The following CPQ variants were observed in gnomAD, a reference collection of about 807,000 sequenced individuals.
CPQ encodes carboxypeptidase Q, also known as Ser-Met dipeptidase.
A neutral mutation model predicts 45.7 loss-of-function variants in CPQ; 37 were observed. The ratio of observed to expected loss-of-function variants is 0.81; its 90% CI spans 0.62 to 1.07. The LOEUF is 1.07. Among genes scored for constraint, CPQ ranks in the 50% least tolerant of loss-of-function variants. CPQ has a pLI of 0.00. For synonymous variants in CPQ, 186 were observed against 205.8 expected, an observed-to-expected ratio of 0.90 and a Z score of 0.82; for missense variants, 537 against 572.9, an observed-to-expected ratio of 0.94 and a Z score of 0.64.
chr8:97,101,946 C>CT (rs1811316927), intron 7 of CPQ, among the ~76,000 whole-genome samples: 1 of 146,900 alleles, frequency 6.8e-6, no homozygotes, highest in African/African-American at 2.6e-5. Flanking sequence ...CTCTCTCCCT[C>CT]CCTCCCTCTC....
At chr8:96,753,146 C>T (rs934833239) in intron 1 of CPQ, among the ~76,000 whole-genome samples, 1 of 151,962 alleles carries the variant, frequency 6.6e-6, no homozygotes, top group Admixed American at 6.6e-5. Context: ...TTACACAAAC[C>T]GTTTATAGAG....
At chr8:97,138,375 G>A (rs72664589) in intron 7 of CPQ, among the ~76,000 whole-genome samples, 11 of 152,078 alleles carry the variant, frequency 7.2e-5, no homozygotes, top group African/African-American at 2.7e-4. Flanking sequence ...CTGGTACAAA[G>A]TTGTAAGAAC....
At chr8:96,949,597 A>G (rs1813232989) in intron 4 of CPQ, among the ~76,000 whole-genome samples, 1 of 152,018 alleles carries the variant, frequency 6.6e-6, no homozygotes, top group Non-Finnish European at 1.5e-5. Context: ...ATCTTTGTCA[A>G]CTTTTCCCTC....
At chr8:96,745,867 A>G (rs751429095) in intron 1 of CPQ, among the ~76,000 whole-genome samples, 1 of 152,246 alleles carries the variant, frequency 6.6e-6, no homozygotes, top group Non-Finnish European at 1.5e-5. Flanking sequence ...ATGTGTCAGG[A>G]CTGTTATAGT....
chr8:96,834,114 T>C (rs1348001815), intron 2 of CPQ, among the ~76,000 whole-genome samples: 1 of 152,180 alleles, frequency 6.6e-6, no homozygotes, highest in East Asian at 1.9e-4. Context: ...TTTTTTCCCT[T>C]TTACTCTAAC....
At chr8:97,038,943 T>A (rs1810056228) in intron 6 of CPQ, among the ~76,000 whole-genome samples, 1 of 151,878 alleles carries the variant, frequency 6.6e-6, no homozygotes, top group Non-Finnish European at 1.5e-5. Context: ...TTTTCTTATA[T>A]CACGGTCACA....
intron 7 of CPQ, among the ~76,000 whole-genome samples, chr8:97,083,940 T>C (rs1810999518): frequency 6.6e-6 from 1 of 152,214 alleles, no homozygotes; most frequent in Non-Finnish European, 1.5e-5. Flanking sequence ...TTATTTTTTT[T>C]CACACTGCCA....
At chr8:96,891,506 C>T (rs999286465) in intron 4 of CPQ, among the ~76,000 whole-genome samples, 1 of 152,132 alleles carries the variant, frequency 6.6e-6, no homozygotes, top group African/African-American at 2.4e-5. Flanking sequence ...CCACCATGGC[C>T]ACTTTGTTCA....
In CPQ at chr8:97,083,110, G is replaced by A. The variant is rs556402819; in HGVS notation, c.1255+16900G>A. ...GCTTCAGTTTCCTGATCTGTAAAAT[G>A]AGGGCAATAATATTTCAAAGGACTA... is the stretch of plus-strand genomic sequence containing the variant. On this transcript the variant is annotated intron_variant, in intron 7 of 7. Coordinates refer to ENST00000220763, the MANE Select transcript of CPQ (RefSeq NM_016134.4). 2.0e-5 allele frequency among the ~76,000 whole-genome samples: 3 copies of A among 152,290 alleles called. No homozygotes were observed. The South Asian group carries it at 6.2e-4, about 32-fold the overall frequency.
intron 4 of CPQ, among the ~76,000 whole-genome samples, chr8:96,911,076 A>C (rs944951360): frequency 3.3e-5 from 5 of 152,176 alleles, no homozygotes; most frequent in African/African-American, 1.2e-4. Flanking sequence ...GAATACTATA[A>C]GACCAAAACC....
At chr8:96,878,731 A>G (rs1465927636) in intron 3 of CPQ, among the ~76,000 whole-genome samples, 1 of 152,260 alleles carries the variant, frequency 6.6e-6, no homozygotes, top group Non-Finnish European at 1.5e-5. Context: ...CTGCTTCTAT[A>G]GGAGATAAGC....
At chr8:97,026,845 T>A (rs1809807054) in intron 5 of CPQ, among the ~76,000 whole-genome samples, 1 of 152,250 alleles carries the variant, frequency 6.6e-6, no homozygotes, top group South Asian at 2.1e-4. Flanking sequence ...AGACTAACCC[T>A]GTAGGATAAT....
chr8:96,891,125 G>A lies in CPQ; in HGVS notation c.849+11120G>A, dbSNP rs541438602. Among the ~76,000 whole-genome samples the A allele has an allele frequency of 9.8e-5, 15 of 152,320 alleles. No homozygotes were observed. The East Asian group carries it at 2.9e-3, about 29-fold the overall frequency. ...TGAATTCCATGAGCATGCACACATT[G>A]CCACACTTTTTTAGCCATAGAGTGA... On this transcript the variant is annotated intron_variant, in intron 4 of 7. Coordinates refer to ENST00000220763, the MANE Select transcript of CPQ (RefSeq NM_016134.4).
chr8:96,735,410 T>C (rs1809969117), intron 1 of CPQ, among the ~76,000 whole-genome samples: 1 of 152,260 alleles, frequency 6.6e-6, no homozygotes, highest in African/African-American at 2.4e-5. Flanking sequence ...GTGTTCCAGC[T>C]TCTGTTTCAT....
At chr8:96,934,281 A>C (rs1813015275) in intron 4 of CPQ, among the ~76,000 whole-genome samples, 2 of 152,154 alleles carry the variant, frequency 1.3e-5, no homozygotes, top group African/African-American at 4.8e-5. Context: ...GATGGTAGAG[A>C]GATTACTGTG....
intron 3 of CPQ, among the ~76,000 whole-genome samples, chr8:96,863,774 G>T (rs1811961958): frequency 6.6e-6 from 1 of 152,022 alleles, no homozygotes. Context: ...GCACGCCAAA[G>T]TGTCTCAGTG....
intron 2 of CPQ, among the ~76,000 whole-genome samples, chr8:96,797,781 G>A (rs915914727): frequency 1.3e-5 from 2 of 152,104 alleles, no homozygotes; most frequent in Admixed American, 6.6e-5. Context: ...GCCAGGTGCG[G>A]TGGCTCACAC....
chr8:96,652,134 C>T (rs899672400), intron 1 of CPQ, among the ~76,000 whole-genome samples: 2 of 152,172 alleles, frequency 1.3e-5, no homozygotes, highest in African/African-American at 4.8e-5. Flanking sequence ...TTTTCCCCAA[C>T]CCCTCAGACT....
chr8:96,894,504 G>A (rs1392023292), intron 4 of CPQ, among the ~76,000 whole-genome samples: 2 of 152,140 alleles, frequency 1.3e-5, no homozygotes, highest in Non-Finnish European at 2.9e-5. Context: ...GTGTGGAAGT[G>A]TGCCACAGCA....
Sources: gnomAD v4.1 joint callset for allele counts (sites outside exome capture counted in the v4.1 genomes callset) on GRCh38, gnomAD v4.1.1 for gene constraint, MANE v1.5 for transcripts, NCBI Gene and HGNC (gene_info 2026-07-23, HGNC 2026-07-21) for gene names.